The following PTPN4 variants were observed in gnomAD, a reference collection of about 807,000 sequenced individuals.
The protein encoded by PTPN4 is protein tyrosine phosphatase non-receptor type 4.
PTPN4 carries 49 observed loss-of-function variants against 135.5 expected under a neutral mutation model. That is an observed-to-expected ratio of 0.36 (90% confidence interval 0.29 to 0.46). The LOEUF (loss-of-function observed/expected upper bound fraction) is 0.46, where lower values mean the gene tolerates loss of function less well. Among genes scored for constraint, PTPN4 ranks in the 20% least tolerant of loss-of-function variants. PTPN4 has a pLI of 1.00. For missense variants in PTPN4, 860 were observed against 1,101.0 expected (o/e 0.78, Z 3.10); for synonymous variants, 333 against 369.9 (o/e 0.90, Z 1.14).
intron 23 of PTPN4, among the ~76,000 whole-genome samples, chr2:119,962,351 G>C (rs1010064299): frequency 5.9e-5 from 9 of 152,008 alleles, no homozygotes; most frequent in Admixed American, 2.6e-4. Flanking sequence ...CTACTTGGGA[G>C]GCTGAGGCAG....
At chr2:119,816,856 C>T (rs921805300) in intron 2 of PTPN4, among the ~76,000 whole-genome samples, 3 of 152,162 alleles carry the variant, frequency 2.0e-5, no homozygotes, top group Admixed American at 1.3e-4. Flanking sequence ...CTGGAATTTA[C>T]GGAGATGTGA....
chr2:119,792,607 C>G (rs1300696290), intron 1 of PTPN4, among the ~76,000 whole-genome samples: 1 of 152,116 alleles, frequency 6.6e-6, no homozygotes, highest in African/African-American at 2.4e-5. Context: ...AGAAAAATTA[C>G]CAAAGTATGA....
intron 26 of PTPN4, among the ~76,000 whole-genome samples, chr2:119,972,095 AT>A (rs1679542336): frequency 6.6e-6 from 1 of 151,552 alleles, no homozygotes; most frequent in South Asian, 2.1e-4. Flanking sequence ...ACTCTTTTTC[AT>A]TTTCCAGCTT....
intron 9 of PTPN4, among the ~76,000 whole-genome samples, chr2:119,894,829 A>G (rs1678295995): frequency 6.6e-6 from 1 of 152,222 alleles, no homozygotes; most frequent in Admixed American, 6.5e-5. Flanking sequence ...ACTTGTCACT[A>G]ATAATGAAAA....
At chr2:119,942,519 A>T (rs1267726157) in intron 15 of PTPN4, among the ~76,000 whole-genome samples, 4 of 152,000 alleles carry the variant, frequency 2.6e-5, no homozygotes, top group East Asian at 1.9e-4. Context: ...TTAGTTTTAA[A>T]TTTTTTTTCT....
intron 9 of PTPN4, among the ~76,000 whole-genome samples, chr2:119,899,285 C>T (rs926183898): frequency 6.6e-5 from 10 of 152,306 alleles, no homozygotes; most frequent in Admixed American, 5.9e-4. Context: ...TTAATTACCA[C>T]AGCTGCTCCC....
At chr2:119,855,209 C>G (rs950718772) in intron 2 of PTPN4, among the ~76,000 whole-genome samples, 3 of 152,148 alleles carry the variant, frequency 2.0e-5, no homozygotes, top group Non-Finnish European at 2.9e-5. Context: ...AATCTCCATA[C>G]AAGGGCATAG....
At chr2:119,813,152 C>T (rs1474462999) in intron 2 of PTPN4, among the ~76,000 whole-genome samples, 1 of 152,192 alleles carries the variant, frequency 6.6e-6, no homozygotes, top group Non-Finnish European at 1.5e-5. Context: ...TATTCACTCA[C>T]ATGGCTGTTA....
Position 119,859,803 on chromosome 2 carries a change from C to T in PTPN4, c.139-2733C>T, listed in dbSNP as rs1048296672. 9.9e-5 allele frequency among the ~76,000 whole-genome samples: 15 copies of T among 152,172 alleles called. 2 individuals are homozygous for T. Among genetic ancestry groups the T allele is most frequent in the Admixed American group, 9.2e-4 (14 of 15,274 alleles). On this transcript the variant is annotated intron_variant, in intron 2 of 26. Coordinates refer to ENST00000263708, the MANE Select transcript of PTPN4 (RefSeq NM_002830.4). ...CTTTTCACTTGCTGCCTGCTCAAACCAGGTGGCACATGAAACTAGGCTTCT... is the reference window on the plus strand; with the variant it reads ...CTTTTCACTTGCTGCCTGCTCAAACTAGGTGGCACATGAAACTAGGCTTCT...
intron 15 of PTPN4, among the ~76,000 whole-genome samples, chr2:119,936,180 C>T (rs1327479587): frequency 6.6e-6 from 1 of 152,030 alleles, no homozygotes; most frequent in Non-Finnish European, 1.5e-5. Context: ...TTTTGTGTAT[C>T]TTTAGTAGAG....
rs752151344 is a variant in PTPN4, at chr2:119,926,581, A to G, written c.1002-17A>G. On this transcript the variant is annotated splice_polypyrimidine_tract_variant and intron_variant, in intron 12 of 26. Transcript: ENST00000263708. ...TTCTCTTAAGACTTTATTGTTGTGC[A>G]TATTTATATATTTCAGTGGGAGAAC... is the stretch of plus-strand genomic sequence containing the variant. 6.5e-6 allele frequency: 10 copies of G among 1,538,646 alleles called. No homozygotes were observed. The highest frequency in any genetic ancestry group is 2.7e-6 in the Non-Finnish European group (3 of 1,126,092).
intron 22 of PTPN4, among the ~76,000 whole-genome samples, chr2:119,959,784 A>G (rs748366073): frequency 1.2e-4 from 19 of 152,194 alleles, no homozygotes; most frequent in Non-Finnish European, 2.5e-4. Context: ...AAAGAGTGCA[A>G]ATAGTCTTAG....
intron 26 of PTPN4, among the ~76,000 whole-genome samples, chr2:119,976,071 C>A (rs1373991035): frequency 1.3e-5 from 2 of 149,792 alleles, no homozygotes; most frequent in African/African-American, 4.9e-5. Flanking sequence ...TCTCGGCTCA[C>A]TGCAAGCTCC....
intron 2 of PTPN4, among the ~76,000 whole-genome samples, chr2:119,842,874 GTA>G (rs1677402354): frequency 6.6e-6 from 1 of 152,046 alleles, no homozygotes; most frequent in Non-Finnish European, 1.5e-5. Context: ...GTGTGTGTGT[GTA>G]TTTGCATGGA....
intron 13 of PTPN4, among the ~76,000 whole-genome samples, chr2:119,930,192 C>G (rs562284867): frequency 6.6e-6 from 1 of 152,154 alleles, no homozygotes; most frequent in Admixed American, 6.5e-5. Flanking sequence ...ATGTTCACAC[C>G]TAAATTACTT....
chr2:119,964,830 A>G (rs1679423626), intron 24 of PTPN4, among the ~76,000 whole-genome samples: 1 of 152,214 alleles, frequency 6.6e-6, no homozygotes, highest in Admixed American at 6.5e-5. Flanking sequence ...CTTTCCTTCT[A>G]AAATTCCAAT....
At chr2:119,844,981 G>A (rs895558569) in intron 2 of PTPN4, among the ~76,000 whole-genome samples, 5 of 150,626 alleles carry the variant, frequency 3.3e-5, no homozygotes, top group South Asian at 4.2e-4. Flanking sequence ...CTGAGTGAAC[G>A]AGACTCCATC....
intron 1 of PTPN4, among the ~76,000 whole-genome samples, chr2:119,768,837 A>G (rs1690685173): frequency 6.6e-6 from 1 of 152,212 alleles, no homozygotes; most frequent in African/African-American, 2.4e-5. Flanking sequence ...TTTGTTAGAA[A>G]GGTGCTATTC....
At chr2:119,954,694 T>C (rs1236799488) in intron 19 of PTPN4, among the ~76,000 whole-genome samples, 3 of 152,190 alleles carry the variant, frequency 2.0e-5, no homozygotes, top group African/African-American at 7.2e-5. Context: ...AGAATTCTCA[T>C]TTATAGTCTG....
Sources: gnomAD v4.1 joint callset for allele counts (sites outside exome capture counted in the v4.1 genomes callset) on GRCh38, gnomAD v4.1.1 for gene constraint, MANE v1.5 for transcripts, NCBI Gene and HGNC (gene_info 2026-07-23, HGNC 2026-07-21) for gene names.